RHOD: variants seen among roughly 807,000 people sequenced by gnomAD.
RHOD encodes ras homolog family member D.
In RHOD, 11 loss-of-function variants were observed where a neutral mutation model predicts 16.7. The observed-to-expected ratio is 0.66, with a 90% confidence interval of 0.41 to 1.09. RHOD has a LOEUF of 1.09. Among genes scored for constraint, RHOD ranks in the 50% least tolerant of loss-of-function variants. The probability of loss-of-function intolerance (pLI) is 0.00; values close to 1 mark genes in which losing one functional copy is unlikely to be tolerated. For missense variants in RHOD, 271 were observed against 291.7 expected, an observed-to-expected ratio of 0.93 and a Z score of 0.52; for synonymous variants, 124 against 126.3, an observed-to-expected ratio of 0.98 and a Z score of 0.12.
chr11:67,059,041 G>C (rs1854854057), intron 1 of RHOD, among the ~76,000 whole-genome samples: 1 of 152,148 alleles, frequency 6.6e-6, no homozygotes, highest in Non-Finnish European at 1.5e-5. Context: ...TTGATGGTGA[G>C]ACCATCCCAA....
At chr11:67,064,421 G>C (rs1188451440) in intron 1 of RHOD, among the ~76,000 whole-genome samples, 3 of 150,880 alleles carry the variant, frequency 2.0e-5, no homozygotes, top group Non-Finnish European at 3.0e-5. Flanking sequence ...AAAAAAAAAG[G>C]AAAAAGAGAA....
Position 67,071,735 on chromosome 11 carries a change from GC to G in RHOD, c.*136del. ...AACAGACGGGCGCCACCAAAGCCAG[GC>G]CCTGAGGCCTGGGAGTCCTGGACTG... On this transcript the variant is annotated 3_prime_UTR_variant, in exon 5 of 5. Coordinates refer to ENST00000308831, the MANE Select transcript of RHOD (RefSeq NM_014578.4). The G allele has an allele frequency of 8.4e-6, 8 of 950,364 alleles. No individual in the cohort carries two copies. Among genetic ancestry groups the G allele is most frequent in the Non-Finnish European group, 1.1e-5 (7 of 659,414 alleles). The allele number at this position is 950,364 out of a possible 1,614,324, so 58.9% of individuals were successfully genotyped here.
intron 4 of RHOD, among the ~76,000 whole-genome samples, chr11:67,071,063 T>C (rs1855023633): frequency 6.6e-6 from 1 of 151,944 alleles, no homozygotes; most frequent in African/African-American, 2.4e-5. Context: ...CGAGACCCTG[T>C]CTCTACCAAA....
intron 1 of RHOD, among the ~76,000 whole-genome samples, chr11:67,061,632 CAAA>C (rs56111361): frequency 2.2e-5 from 2 of 90,774 alleles, no homozygotes; most frequent in Admixed American, 1.3e-4. Context: ...AACTCTGTCT[CAAA>C]AAAAAAAAAA....
intron 1 of RHOD, among the ~76,000 whole-genome samples, chr11:67,064,063 G>A (rs1354672646): frequency 3.0e-5 from 4 of 132,284 alleles, no homozygotes; most frequent in South Asian, 2.6e-4. Context: ...CCAAGATCAC[G>A]CCACTGCACT....
chr11:67,062,593 T>C (rs1398167642), intron 1 of RHOD, among the ~76,000 whole-genome samples: 1 of 152,224 alleles, frequency 6.6e-6, no homozygotes, highest in Non-Finnish European at 1.5e-5. Flanking sequence ...CTGCCCACTC[T>C]GGGACCTGCC....
intron 1 of RHOD, among the ~76,000 whole-genome samples, chr11:67,062,282 C>G (rs532865317): frequency 1.6e-3 from 244 of 152,280 alleles, no homozygotes; most frequent in African/African-American, 5.0e-3. Flanking sequence ...ACACTCTCCC[C>G]CTTTAACCAG....
Position 67,071,708 on chromosome 11 carries a change from G to A in RHOD, c.*106G>A, listed in dbSNP as rs2136250791. The A allele has an allele frequency of 8.3e-7, 1 of 1,197,756 alleles. No individual in the cohort carries two copies. The highest frequency in any genetic ancestry group is 1.1e-6 in the Non-Finnish European group (1 of 882,572). 74.2% of individuals were successfully genotyped at this position (1,197,756 alleles called of 1,614,324 possible). A position where few individuals can be genotyped will look rare whatever the true frequency, so the allele number is the denominator to read the frequency against. On this transcript the variant is annotated 3_prime_UTR_variant, in exon 5 of 5. Coordinates refer to ENST00000308831, the MANE Select transcript of RHOD (RefSeq NM_014578.4). ...TAGGCTGTGACCGCCGAACTCCACT[G>A]CAACAGACGGGCGCCACCAAAGCCA...
At chr11:67,062,265 T>C (rs1321879910) in intron 1 of RHOD, among the ~76,000 whole-genome samples, 1 of 152,100 alleles carries the variant, frequency 6.6e-6, no homozygotes, top group East Asian at 1.9e-4. Flanking sequence ...TCCCACATCA[T>C]GGCATGACAC....
At position 67,066,782 on chromosome 11, in the gene RHOD, G is replaced by A. The variant is rs1050130482; in HGVS notation, c.265G>A (p.Ala89Thr). The change falls in exon 3 of 5, where the codon GCC becomes ACC. Residue 89 changes from alanine (A) to threonine (T), a missense_variant. Ala to Thr is a moderately conservative substitution (Grantham distance 58, BLOSUM62 0). Coordinates refer to ENST00000308831, the MANE Select transcript of RHOD (RefSeq NM_014578.4). Reference protein sequence around the residue: ...DRLRPLFYPDASVLLLCFDVT... With the variant: ...DRLRPLFYPDTSVLLLCFDVT... ...CCTGCGGCCCCTGTTCTACCCTGAC[G>A]CCAGCGTCCTGCTGCTTTGCTTCGA... 2 of 1,613,906 alleles carry A rather than the reference G, an allele frequency of 1.2e-6. No homozygotes were observed. The highest frequency in any genetic ancestry group is 1.3e-5 in the African/African-American group (1 of 74,924).
At chr11:67,070,299 G>A (rs1437938528) in intron 3 of RHOD, 126 bp from the exon 4 acceptor site, 1 of 979,298 alleles carries the variant, frequency 1.0e-6, no homozygotes, top group African/African-American at 1.6e-5. Context: ...TTTCTCCCTA[G>A]GTGCTGGCTT....
chr11:67,058,690 G>A (rs933755410), intron 1 of RHOD, among the ~76,000 whole-genome samples: 4 of 152,136 alleles, frequency 2.6e-5, no homozygotes, highest in African/African-American at 4.8e-5. Context: ...CAAGCAGGAC[G>A]GTCGGGCCTA....
intron 1 of RHOD, among the ~76,000 whole-genome samples, chr11:67,061,981 C>T (rs973555085): frequency 5.3e-5 from 8 of 150,798 alleles, no homozygotes; most frequent in Non-Finnish European, 7.4e-5. Context: ...AGCCTGACTC[C>T]GTCGAAAAAA....
At position 67,065,877 on chromosome 11, in the gene RHOD, C is replaced by G. The variant is rs772888307; in HGVS notation, c.133-19C>G. ...CTCCGAAGCCTCCTCACACCCTCCCCCGCCCTGCTTCTCCTCAGAGCTACA... is the reference window on the plus strand; with the variant it reads ...CTCCGAAGCCTCCTCACACCCTCCCGCGCCCTGCTTCTCCTCAGAGCTACA... On this transcript the variant is annotated intron_variant, in intron 1 of 4. Coordinates refer to ENST00000308831, the MANE Select transcript of RHOD (RefSeq NM_014578.4). The G allele has an allele frequency of 1.1e-5, 17 of 1,598,662 alleles. No individual in the cohort carries two copies. The highest frequency in any genetic ancestry group is 3.3e-5 in the Admixed American group (2 of 59,900).
chr11:67,070,305 G>A lies in RHOD; in HGVS notation c.331-120G>A, dbSNP rs182897469. 1.9e-4 allele frequency: 196 copies of A among 1,050,836 alleles called. 3 individuals are homozygous for A. In the African/African-American group the frequency reaches 2.3e-3, roughly 12 times the overall value. The allele number at this position is 1,050,836 out of a possible 1,614,324, so 65.1% of individuals were successfully genotyped here. Reference sequence around the variant, plus strand: ...ACCAAATAGTTTCTCCCTAGGTGCTGGCTTTGCTGATTATCCATATCAGAG... The same window carrying A: ...ACCAAATAGTTTCTCCCTAGGTGCTAGCTTTGCTGATTATCCATATCAGAG... On this transcript the variant is annotated intron_variant, in intron 3 of 4. Coordinates refer to ENST00000308831, the MANE Select transcript of RHOD (RefSeq NM_014578.4).
At chr11:67,061,826 G>A (rs962278599) in intron 1 of RHOD, among the ~76,000 whole-genome samples, 5 of 144,214 alleles carry the variant, frequency 3.5e-5, no homozygotes, top group Non-Finnish European at 6.0e-5. Flanking sequence ...ATATATGTGT[G>A]TGTGTGTGTG....
intron 1 of RHOD, among the ~76,000 whole-genome samples, chr11:67,060,363 G>A (rs188348961): frequency 1.8e-4 from 27 of 152,352 alleles, no homozygotes; most frequent in Admixed American, 1.3e-3. Flanking sequence ...GGCTGAGGAC[G>A]GCTTAACAGA....
At chr11:67,057,718 T>C (rs546438062) in intron 1 of RHOD, among the ~76,000 whole-genome samples, 1 of 152,334 alleles carries the variant, frequency 6.6e-6, no homozygotes, top group African/African-American at 2.4e-5. Flanking sequence ...TGTAACCTGC[T>C]TAGCTTCTCT....
At chr11:67,071,328 G>A in intron 4 of RHOD, 107 bp from the exon 5 acceptor site, 1 of 1,088,830 alleles carries the variant, frequency 9.2e-7, no homozygotes, top group East Asian at 2.9e-5. Flanking sequence ...GGGAGCCATG[G>A]GTGCTCCGCA....
Sources: allele counts gnomAD v4.1 joint callset (sites outside exome capture counted in the v4.1 genomes callset), GRCh38; gene constraint gnomAD v4.1.1; transcripts MANE v1.5; gene names NCBI Gene and HGNC (gene_info 2026-07-23, HGNC 2026-07-21).